Variants in TAB2 observed in about 807,000 individuals in gnomAD.
TAB2 encodes the protein TGF-beta activated kinase 1 (MAP3K7) binding protein 2, also known as TGF-beta-activated kinase 1 and MAP3K7-binding protein 2.
In TAB2, 3 loss-of-function variants were observed where a neutral mutation model predicts 65.0. The ratio of observed to expected loss-of-function variants is 0.05; its 90% CI spans 0.02 to 0.12. The LOEUF (loss-of-function observed/expected upper bound fraction) is 0.12. Ranked by LOEUF, TAB2 falls within the 10% of genes least tolerant of loss-of-function variation. The pLI is 1.00. For missense variants in TAB2, 623 were observed against 840.3 expected, an observed-to-expected ratio of 0.74 and a Z score of 3.20; for synonymous variants, 298 against 285.1, an observed-to-expected ratio of 1.05 and a Z score of -0.46.
intron 6 of TAB2, among the ~76,000 whole-genome samples, chr6:149,402,149 AAG>A (rs1478496134): frequency 6.6e-6 from 1 of 152,078 alleles, no homozygotes; most frequent in Non-Finnish European, 1.5e-5. Flanking sequence ...TAGTAAAACT[AAG>A]AGGTTTTTTA....
intron 1 of TAB2, chr6:149,221,362 A>G (rs1026853703): frequency 1.3e-5 from 2 of 152,268 alleles, no homozygotes; most frequent in African/African-American, 4.8e-5. Context: ...AATGACTGCT[A>G]CCACAGCTTG....
chr6:149,401,433 A>G (rs1372522196), intron 6 of TAB2: 1 of 153,934 alleles, frequency 6.5e-6, no homozygotes, highest in Non-Finnish European at 1.5e-5. Context: ...ATCAGAAACA[A>G]TAGATTTTTA....
chr6:149,375,840 G>A (rs1340212397), intron 2 of TAB2, among the ~76,000 whole-genome samples: 1 of 152,096 alleles, frequency 6.6e-6, no homozygotes, highest in Non-Finnish European at 1.5e-5. Context: ...TAGGATAAAA[G>A]GATTTTTCTA....
intron 1 of TAB2, among the ~76,000 whole-genome samples, chr6:149,349,227 TG>T (rs1780407602): frequency 6.6e-6 from 1 of 151,836 alleles, no homozygotes; most frequent in Non-Finnish European, 1.5e-5. Flanking sequence ...GAGATGATCC[TG>T]GCTAACACAG....
At chr6:149,330,207 A>G (rs772046815) in intron 1 of TAB2, among the ~76,000 whole-genome samples, 4 of 152,140 alleles carry the variant, frequency 2.6e-5, no homozygotes, top group Non-Finnish European at 4.4e-5. Context: ...ATATACCACA[A>G]TTTGACTTTG....
chr6:149,253,972 AAG>A (rs372892888), intron 1 of TAB2, among the ~76,000 whole-genome samples: 2,898 of 118,338 alleles, frequency 0.024, 24 homozygotes, highest in Non-Finnish European at 0.029. Flanking sequence ...GAAAGAAAGA[AAG>A]AAAGAAAGAA....
intron 1 of TAB2, among the ~76,000 whole-genome samples, chr6:149,363,834 T>G (rs139904890): frequency 9.9e-5 from 15 of 152,280 alleles, no homozygotes; most frequent in South Asian, 2.1e-4. Context: ...TATCTCTATT[T>G]GGATGTTTTA....
intron 1 of TAB2, among the ~76,000 whole-genome samples, chr6:149,235,880 GGA>G (rs1469822904): frequency 9.9e-5 from 15 of 152,148 alleles, no homozygotes; most frequent in Non-Finnish European, 1.6e-4. Flanking sequence ...TTCCACAGGG[GGA>G]GGACACCTAG....
chr6:149,280,099 T>G (rs1562398638), intron 1 of TAB2, among the ~76,000 whole-genome samples: 1 of 152,214 alleles, frequency 6.6e-6, no homozygotes, highest in African/African-American at 2.4e-5. Flanking sequence ...TTCCAGTACC[T>G]GTAGTAATCA....
intron 1 of TAB2, among the ~76,000 whole-genome samples, chr6:149,277,852 C>G (rs1289166693): frequency 6.6e-6 from 1 of 152,114 alleles, no homozygotes; most frequent in East Asian, 1.9e-4. Context: ...GCATCATATT[C>G]ATTTTAGTAT....
chr6:149,371,100 G>A (rs1472250932), intron 2 of TAB2, among the ~76,000 whole-genome samples: 1 of 149,234 alleles, frequency 6.7e-6, no homozygotes, highest in African/African-American at 2.5e-5. Context: ...AGTGTCCGGG[G>A]CTCAGTCAAG....
intron 1 of TAB2, among the ~76,000 whole-genome samples, chr6:149,224,635 A>G (rs1280289658): frequency 1.3e-5 from 2 of 152,230 alleles, no homozygotes; most frequent in Non-Finnish European, 2.9e-5. Context: ...TCCAGGGAAG[A>G]GTGCCAGCCC....
chr6:149,249,506 C>T (rs1777814860), intron 1 of TAB2, among the ~76,000 whole-genome samples: 1 of 151,800 alleles, frequency 6.6e-6, no homozygotes, highest in Non-Finnish European at 1.5e-5. Flanking sequence ...TTCTCTCTAT[C>T]TCTGTCTCTT....
intron 1 of TAB2, among the ~76,000 whole-genome samples, chr6:149,365,509 CATT>C (rs953495351): frequency 6.6e-6 from 1 of 152,088 alleles, no homozygotes; most frequent in African/African-American, 2.4e-5. Flanking sequence ...GAGAAGTCAT[CATT>C]TAAATTATTG....
At chr6:149,309,712 T>TA (rs60687477) in intron 1 of TAB2, among the ~76,000 whole-genome samples, 79,517 of 150,152 alleles carry the variant, frequency 0.53, 21,429 homozygotes, top group East Asian at 0.67. Context: ...TATTCCTCTT[T>TA]AAAAAAAAAA....
At chr6:149,322,763 TAGTAC>T (rs1214583538) in intron 1 of TAB2, among the ~76,000 whole-genome samples, 1 of 152,198 alleles carries the variant, frequency 6.6e-6, no homozygotes, top group Non-Finnish European at 1.5e-5. Context: ...TTAAAATATT[TAGTAC>T]AGTACCTGGC....
At chr6:149,376,793 A>G (rs1781411561) in intron 2 of TAB2, among the ~76,000 whole-genome samples, 1 of 152,134 alleles carries the variant, frequency 6.6e-6, no homozygotes, top group Non-Finnish European at 1.5e-5. Context: ...AGTGCTATGC[A>G]TATAGTATGT....
At chr6:149,320,476 A>C (rs1779406675) in intron 1 of TAB2, among the ~76,000 whole-genome samples, 1 of 152,230 alleles carries the variant, frequency 6.6e-6, no homozygotes, top group Non-Finnish European at 1.5e-5. Context: ...TCTTGGCAGA[A>C]ATAGAAGTTT....
At chr6:149,386,665 T>G (rs183139688) in intron 3 of TAB2, among the ~76,000 whole-genome samples, 100 of 152,348 alleles carry the variant, frequency 6.6e-4, no homozygotes, top group Non-Finnish European at 1.2e-3. Flanking sequence ...AATAGACATT[T>G]TGTTTTTTTC....
Sources: allele counts gnomAD v4.1 joint callset (sites outside exome capture counted in the v4.1 genomes callset), GRCh38; gene constraint gnomAD v4.1.1; transcripts MANE v1.5; gene names NCBI Gene and HGNC (gene_info 2026-07-23, HGNC 2026-07-21).